Variants in SLC5A7 observed in about 807,000 individuals in gnomAD.
The protein encoded by SLC5A7 is solute carrier family 5 member 7.
Under a neutral mutation model 55.4 loss-of-function variants are expected in SLC5A7, and 19 were observed. The observed-to-expected ratio is 0.34, with a 90% CI of 0.24 to 0.50. The LOEUF is 0.50. Ranked by LOEUF, SLC5A7 falls within the 20% of genes least tolerant of loss-of-function variation. The pLI is 0.98. For synonymous variants in SLC5A7, 265 were observed against 263.7 expected (o/e 1.00, Z -0.05); for missense variants, 506 against 705.3 (o/e 0.72, Z 3.20).
intron 5 of SLC5A7, among the ~76,000 whole-genome samples, chr2:107,999,833 C>T (rs1363896289): frequency 6.6e-6 from 1 of 152,020 alleles, no homozygotes; most frequent in African/African-American, 2.4e-5. Flanking sequence ...CTTTTTAGTA[C>T]CGATATTTTT....
chr2:107,991,382 T>TC (rs1485008101), intron 2 of SLC5A7, among the ~76,000 whole-genome samples: 2 of 152,176 alleles, frequency 1.3e-5, no homozygotes, highest in Non-Finnish European at 2.9e-5. Flanking sequence ...TGCTAGGTAG[T>TC]CTAGGCCTTA....
rs567516041 is a variant in SLC5A7 at position 108,012,442 on chromosome 2, A to C, written c.*1581A>C. 2 of 152,196 alleles carry C rather than the reference A, an allele frequency of 1.3e-5. No individual in the cohort carries two copies. Among genetic ancestry groups the C allele is most frequent in the African/African-American group, 2.4e-5 (1 of 41,464 alleles). The allele number at this position is 152,196 out of a possible 1,614,324, so 9.4% of individuals were successfully genotyped here. A position where few individuals can be genotyped will look rare whatever the true frequency, so the allele number is the denominator to read the frequency against. On this transcript the variant is annotated 3_prime_UTR_variant, in exon 9 of 9. Coordinates refer to ENST00000264047, the MANE Select transcript of SLC5A7 (RefSeq NM_021815.5). ...CATTAAAAATAAAAGTTGTACCTTG[A>C]CCCTAGAATTCCTTTTATAAGATTT...
chr2:108,010,105 A>G (rs1678260856), intron 8 of SLC5A7, 127 bp from the exon 9 acceptor site: 26 of 1,195,246 alleles, frequency 2.2e-5, no homozygotes, highest in Non-Finnish European at 3.0e-5. Context: ...GGTTTTTCCC[A>G]TAGATTGAGC....
intron 4 of SLC5A7, among the ~76,000 whole-genome samples, chr2:107,994,565 G>T (rs749519950): frequency 6.6e-6 from 1 of 151,988 alleles, no homozygotes; most frequent in African/African-American, 2.4e-5. Flanking sequence ...CAGCCTGGGC[G>T]ACAGAGTGAG....
chr2:108,003,675 G>A (rs537416960), intron 6 of SLC5A7, among the ~76,000 whole-genome samples: 13 of 152,034 alleles, frequency 8.6e-5, no homozygotes, highest in Non-Finnish European at 1.8e-4. Flanking sequence ...CTCTCTATTA[G>A]GTAGACTGCA....
rs1223534777 is a variant in SLC5A7 at position 108,000,976 on chromosome 2, T to TG, written c.598-919dup. Among the ~76,000 whole-genome samples, 3 of 149,358 alleles carry TG rather than the reference T, an allele frequency of 2.0e-5. No individual in the cohort carries two copies. The East Asian group carries it at 5.8e-4, about 29-fold the overall frequency. On this transcript the variant is annotated intron_variant, in intron 5 of 8. Coordinates refer to ENST00000264047, the MANE Select transcript of SLC5A7 (RefSeq NM_021815.5). ...TGGAGTCTTGCTCTGTTGCCCAGGT[T>TG]GGTATGCAATGTCCAGTCTCGGCTC... is the stretch of plus-strand genomic sequence containing the variant.
intron 5 of SLC5A7, among the ~76,000 whole-genome samples, chr2:108,001,517 C>T (rs1413036995): frequency 1.3e-5 from 2 of 150,904 alleles, no homozygotes; most frequent in Non-Finnish European, 3.0e-5. Context: ...ACTAAAAATA[C>T]AAAAAATTAG....
Position 108,010,803 on chromosome 2 carries a change from C to T in SLC5A7, c.1685C>T (p.Ala562Val). 2 of 1,612,146 alleles carry T rather than the reference C, an allele frequency of 1.2e-6. No homozygotes were observed. Among genetic ancestry groups the T allele is most frequent in the South Asian group, 1.1e-5 (1 of 90,870 alleles). Residue 562 changes from alanine (A) to valine (V), a missense_variant, in exon 9 of 9, where the codon GCC (alanine) becomes GTC (valine). Ala to Val is a moderately conservative substitution (Grantham distance 64). Coordinates refer to ENST00000264047, the MANE Select transcript of SLC5A7 (RefSeq NM_021815.5). Reference sequence around the variant, plus strand: ...AGCTCAACTTTCACCAATAAAGAGGCCTTCCTTGATGTTGATTCCAGTCCA... The same window carrying T: ...AGCTCAACTTTCACCAATAAAGAGGTCTTCCTTGATGTTGATTCCAGTCCA... ...TLSSTFTNKE[A>V]FLDVDSSPEG...
At chr2:108,005,121 C>A (rs333220) in intron 6 of SLC5A7, among the ~76,000 whole-genome samples, 136,545 of 152,296 alleles carry the variant, frequency 0.9, 61,503 homozygotes, top group East Asian at 0.99. Flanking sequence ...TTAGGTACAA[C>A]GTAAAATTAA....
At chr2:107,997,384 C>T (rs923479774) in intron 4 of SLC5A7, among the ~76,000 whole-genome samples, 4 of 152,162 alleles carry the variant, frequency 2.6e-5, no homozygotes, top group African/African-American at 9.7e-5. Flanking sequence ...TAGGTTACAC[C>T]ATCAAGATTT....
intron 6 of SLC5A7, among the ~76,000 whole-genome samples, chr2:108,005,591 C>T (rs895149864): frequency 4.6e-5 from 7 of 152,310 alleles, no homozygotes; most frequent in Non-Finnish European, 8.8e-5. Flanking sequence ...GCATCATAAA[C>T]GGAGTGGCTT....
chr2:108,008,624 T>C lies in SLC5A7; in HGVS notation c.1055T>C (p.Ile352Thr). 6.2e-7 allele frequency: 1 copy of C among 1,613,602 alleles called. No homozygotes were observed. Among genetic ancestry groups the C allele is most frequent in the Non-Finnish European group, 8.5e-7 (1 of 1,179,872 alleles). Residue 352 changes from isoleucine to threonine, a missense_variant, in exon 8 of 9, where the codon ATC (isoleucine) becomes ACC (threonine). Physicochemically the swap from Ile to Thr is moderately conservative, Grantham distance 89. This residue lies in a region of SLC5A7 where 309 missense variants were observed against 478.6 expected (regional missense o/e 0.65). Coordinates refer to ENST00000264047, the MANE Select transcript of SLC5A7 (RefSeq NM_021815.5). ...GTTATGTCATCAGCAGATTCTTCCA[T>C]CTTGTCAGCAAGTTCCATGTTTGCA... is the stretch of plus-strand genomic sequence containing the variant. ...AAVMSSADSSILSASSMFARN... is the reference protein window; with the variant it reads ...AAVMSSADSSTLSASSMFARN...
At position 108,010,461 on chromosome 2, in the gene SLC5A7, C is replaced by T; in HGVS notation, c.1343C>T (p.Thr448Ile). ...GTTTCTGGCCTCTTCCTGAGAATAA[C>T]TGGAGGGGAGCCATATCTGTATCTT... ...GYVSGLFLRITGGEPYLYLQP... is the reference protein window; with the variant it reads ...GYVSGLFLRIIGGEPYLYLQP... Residue 448 changes from threonine to isoleucine, a missense_variant, in exon 9 of 9, where the codon ACT becomes ATT. Around this residue, in one of 4 missense-constraint regions of SLC5A7, gnomAD observed 309 missense variants for 478.6 expected, o/e 0.65. Transcript: ENST00000264047. 6.2e-7 allele frequency: 1 copy of T among 1,613,880 alleles called. No homozygotes were observed. Among genetic ancestry groups the T allele is most frequent in the Non-Finnish European group, 8.5e-7 (1 of 1,179,904 alleles).
At chr2:108,006,240 T>C (rs1176260592) in intron 7 of SLC5A7, 38 bp downstream of exon 7, 4 of 1,610,768 alleles carry the variant, frequency 2.5e-6, no homozygotes, top group Middle Eastern at 1.9e-4. Context: ...TGCCAGTTAG[T>C]TTACCAATCC....
intron 6 of SLC5A7, among the ~76,000 whole-genome samples, chr2:108,005,387 T>G (rs1361678591): frequency 6.6e-6 from 1 of 152,216 alleles, no homozygotes; most frequent in African/African-American, 2.4e-5. Flanking sequence ...AATTATTTTC[T>G]GAGAATATTT....
chr2:108,009,716 G>C (rs1469892683), intron 8 of SLC5A7, among the ~76,000 whole-genome samples: 4 of 152,128 alleles, frequency 2.6e-5, no homozygotes, highest in African/African-American at 9.7e-5. Flanking sequence ...TATCACTGAT[G>C]GGCATTTGGG....
rs1349312455 is a variant in SLC5A7, at chr2:108,013,551, G to C, written c.*2690G>C. On this transcript the variant is annotated 3_prime_UTR_variant, in exon 9 of 9. Transcript: ENST00000264047. ...ATCATGTGCTCTGTTTTGACATAAT[G>C]AGTAATGCAGACATTTACATGTTCT... The C allele has an allele frequency of 6.6e-6, 1 of 152,122 alleles. No individual in the cohort carries two copies. Among genetic ancestry groups the C allele is most frequent in the Non-Finnish European group, 1.5e-5 (1 of 68,012 alleles). 9.4% of individuals were successfully genotyped at this position (152,122 alleles called of 1,614,324 possible). A position where few individuals can be genotyped will look rare whatever the true frequency, so the allele number is the denominator to read the frequency against.
At chr2:108,008,869 T>G (rs1219113479) in intron 8 of SLC5A7, among the ~76,000 whole-genome samples, 187 bp downstream of exon 8, 2 of 151,030 alleles carry the variant, frequency 1.3e-5, no homozygotes, top group Non-Finnish European at 2.9e-5. Context: ...GTACCTGTTC[T>G]TATTCATGTC....
At chr2:108,005,640 C>T (rs333221) in intron 6 of SLC5A7, among the ~76,000 whole-genome samples, 1 of 152,174 alleles carries the variant, frequency 6.6e-6, no homozygotes, top group Non-Finnish European at 1.5e-5. Context: ...TTTTTCACAT[C>T]GCTGGGAAGT....
Sources: allele counts gnomAD v4.1 joint callset (sites outside exome capture counted in the v4.1 genomes callset), GRCh38; gene constraint gnomAD v4.1.1; regional missense constraint gnomAD v4.1.1; transcripts MANE v1.5; gene names NCBI Gene and HGNC (gene_info 2026-07-23, HGNC 2026-07-21).